PDE4D: variants seen among roughly 807,000 people sequenced by gnomAD.
The protein encoded by PDE4D is 3',5'-cyclic-AMP phosphodiesterase 4D.
A neutral mutation model predicts 87.4 loss-of-function variants in PDE4D; 24 were observed. The ratio of observed to expected loss-of-function variants is 0.27; its 90% CI spans 0.20 to 0.39. The LOEUF (loss-of-function observed/expected upper bound fraction) is 0.39, where lower values mean the gene tolerates loss of function less well. PDE4D is among the 10% of genes least tolerant of loss of function. The probability of loss-of-function intolerance (pLI) is 1.00; values close to 1 mark genes in which losing one functional copy is unlikely to be tolerated. For synonymous variants in PDE4D, 384 were observed against 383.2 expected, an observed-to-expected ratio of 1.00 and a Z score of -0.02; for missense variants, 714 against 1,041.0, an observed-to-expected ratio of 0.69 and a Z score of 4.32.
chr5:59,997,129 C>T (rs750342119), intron 2 of PDE4D, among the ~76,000 whole-genome samples: 1 of 152,054 alleles, frequency 6.6e-6, no homozygotes, highest in Non-Finnish European at 1.5e-5. Context: ...CATTTCCTGG[C>T]TGACTTTAAA....
intron 1 of PDE4D, among the ~76,000 whole-genome samples, chr5:59,556,796 A>G (rs1819008743): frequency 6.6e-6 from 1 of 152,110 alleles, no homozygotes; most frequent in South Asian, 2.1e-4. Context: ...TTGACTTTGT[A>G]CTTTTTGTAA....
chr5:60,233,786 TA>T (rs1378322223), intron 1 of PDE4D, among the ~76,000 whole-genome samples: 1 of 151,800 alleles, frequency 6.6e-6, no homozygotes, highest in African/African-American at 2.4e-5. Context: ...GCACTATTAT[TA>T]TGCTTACAGG....
chr5:59,663,380 A>G (rs952470088), intron 1 of PDE4D, among the ~76,000 whole-genome samples: 2 of 151,976 alleles, frequency 1.3e-5, no homozygotes, highest in Non-Finnish European at 2.9e-5. Context: ...TGTGTTGGCC[A>G]GGCTGGTCTC....
chr5:59,418,547 T>A (rs2153626060), intron 1 of PDE4D, among the ~76,000 whole-genome samples: 1 of 152,264 alleles, frequency 6.6e-6, no homozygotes, highest in East Asian at 1.9e-4. Context: ...GCCAAAATAT[T>A]TTACTCCTGC....
intron 11 of PDE4D, 58 bp downstream of exon 11, chr5:58,988,435 T>C (rs762667982): frequency 1.6e-6 from 1 of 627,208 alleles, no homozygotes; most frequent in Non-Finnish European, 2.6e-6. Context: ...TAAAGACCCT[T>C]AGTCATTCTA....
chr5:60,347,212 T>C (rs1207566959), intron 1 of PDE4D, among the ~76,000 whole-genome samples: 1 of 151,984 alleles, frequency 6.6e-6, no homozygotes, highest in Non-Finnish European at 1.5e-5. Flanking sequence ...GTCCAGGACA[T>C]GGGCAGAAAG....
At chr5:59,762,668 G>GTGTATATGTGTATATAGGTTCA (rs1561618064) in intron 1 of PDE4D, among the ~76,000 whole-genome samples, 1 of 109,724 alleles carries the variant, frequency 9.1e-6, no homozygotes, top group Non-Finnish European at 2.0e-5. Flanking sequence ...ATATAGGTAC[G>GTGTATATGTGTATATAGGTTCA]TATGTGTATA....
At position 60,091,975 on chromosome 5, in the gene PDE4D, C is replaced by T. The variant is rs190198385; in HGVS notation, c.42+93582G>A. 8.0e-3 allele frequency among the ~76,000 whole-genome samples: 1,126 copies of T among 140,956 alleles called. 11 individuals carry two copies. Among genetic ancestry groups the T allele is most frequent in the African/African-American group, 0.028 (1,057 of 37,090 alleles). 92.5% of individuals were successfully genotyped at this position (140,956 alleles called of 152,430 possible). A position where few individuals can be genotyped will look rare whatever the true frequency, so the allele number is the denominator to read the frequency against. On this transcript the variant is annotated intron_variant, in intron 2 of 16. Transcript: ENST00000502484. ...CTGAGGCAGGAGAATGGCGTGAACCCGGGAGGCGGAGCTTGCAGTGAGTCG... is the reference window on the plus strand; with the variant it reads ...CTGAGGCAGGAGAATGGCGTGAACCTGGGAGGCGGAGCTTGCAGTGAGTCG...
intron 1 of PDE4D, among the ~76,000 whole-genome samples, chr5:60,257,109 A>C (rs1749132723): frequency 6.6e-6 from 1 of 151,836 alleles, no homozygotes; most frequent in African/African-American, 2.4e-5. Context: ...AATAAAATTC[A>C]CACAGAAAAG....
intron 2 of PDE4D, among the ~76,000 whole-genome samples, chr5:60,085,501 C>A (rs537763929): frequency 6.6e-6 from 1 of 152,180 alleles, no homozygotes; most frequent in South Asian, 2.1e-4. Context: ...AATAGCCAAG[C>A]AGAATCCAAG....
intron 1 of PDE4D, among the ~76,000 whole-genome samples, chr5:59,646,364 G>A (rs1165849217): frequency 1.3e-5 from 2 of 152,170 alleles, no homozygotes; most frequent in African/African-American, 2.4e-5. Context: ...TGTATTAGCC[G>A]AACTGCAAAT....
chr5:60,391,411 G>A (rs571009760), intron 1 of PDE4D, among the ~76,000 whole-genome samples: 1 of 152,164 alleles, frequency 6.6e-6, no homozygotes, highest in Non-Finnish European at 1.5e-5. Flanking sequence ...AGTTCCATAG[G>A]ACAGAAGTCC....
intron 1 of PDE4D, among the ~76,000 whole-genome samples, chr5:60,209,689 A>T (rs114045031): frequency 0.014 from 2,111 of 151,920 alleles, 63 homozygotes; most frequent in African/African-American, 0.048. Flanking sequence ...GATGAGAAAG[A>T]GAGCCGGAGG....
chr5:59,873,788 G>A (rs1421984461), intron 1 of PDE4D, among the ~76,000 whole-genome samples: 1 of 152,190 alleles, frequency 6.6e-6, no homozygotes, highest in African/African-American at 2.4e-5. Context: ...TTGAAAACTA[G>A]TGACTTATGC....
At chr5:59,522,238 A>G (rs1445130165) in intron 1 of PDE4D, among the ~76,000 whole-genome samples, 3 of 152,232 alleles carry the variant, frequency 2.0e-5, no homozygotes, top group Non-Finnish European at 4.4e-5. Context: ...ATAAATAACC[A>G]CATAGAAATA....
At chr5:60,456,024 C>T (rs1746442317) in intron 1 of PDE4D, among the ~76,000 whole-genome samples, 1 of 152,182 alleles carries the variant, frequency 6.6e-6, no homozygotes, top group African/African-American at 2.4e-5. Context: ...GGGCCTTGCA[C>T]ACACCCCCAA....
chr5:59,891,652 A>G (rs1190771352), intron 1 of PDE4D, among the ~76,000 whole-genome samples: 3 of 152,204 alleles, frequency 2.0e-5, no homozygotes, highest in Non-Finnish European at 4.4e-5. Flanking sequence ...GAACATCTCC[A>G]ACAAGGTACC....
At chr5:60,314,328 A>C (rs1268852393) in intron 1 of PDE4D, among the ~76,000 whole-genome samples, 1 of 151,696 alleles carries the variant, frequency 6.6e-6, no homozygotes, top group South Asian at 2.1e-4. Flanking sequence ...TGCCATGCCC[A>C]ACTGATTTTT....
At chr5:60,393,131 C>T (rs955363454) in intron 1 of PDE4D, among the ~76,000 whole-genome samples, 1 of 152,172 alleles carries the variant, frequency 6.6e-6, no homozygotes, top group African/African-American at 2.4e-5. Context: ...GACACACCAC[C>T]AGATATGTTC....
Sources: gnomAD v4.1 joint callset for allele counts (sites outside exome capture counted in the v4.1 genomes callset) on GRCh38, gnomAD v4.1.1 for gene constraint, MANE v1.5 for transcripts, NCBI Gene and HGNC (gene_info 2026-07-23, HGNC 2026-07-21) for gene names.